Variants in LRMDA observed in about 807,000 individuals in gnomAD.
LRMDA encodes leucine-rich melanocyte differentiation-associated protein.
A neutral mutation model predicts 29.8 loss-of-function variants in LRMDA; 18 were observed. The ratio of observed to expected loss-of-function variants is 0.60; its 90% CI spans 0.42 to 0.90. LRMDA has a LOEUF of 0.90. Among genes scored for constraint, LRMDA ranks in the 40% least tolerant of loss-of-function variants. LRMDA has a pLI of 0.00. For synonymous variants in LRMDA, 125 were observed against 109.4 expected (o/e 1.14, Z -0.89); for missense variants, 273 against 273.9 (o/e 1.00, Z 0.02).
chr10:76,436,794 G>T (rs1842249362), intron 6 of LRMDA, among the ~76,000 whole-genome samples: 1 of 152,164 alleles, frequency 6.6e-6, no homozygotes, highest in South Asian at 2.1e-4. Context: ...CCTTCTATAG[G>T]TCAGAGCAGG....
chr10:76,163,263 C>T (rs945376291), intron 5 of LRMDA, among the ~76,000 whole-genome samples: 5 of 152,256 alleles, frequency 3.3e-5, no homozygotes, highest in Middle Eastern at 3.4e-3. Flanking sequence ...GATAAATGAC[C>T]TGTTTCCTTT....
intron 5 of LRMDA, among the ~76,000 whole-genome samples, chr10:76,308,727 T>TGAG (rs1840591822): frequency 6.6e-6 from 1 of 152,080 alleles, no homozygotes; most frequent in African/African-American, 2.4e-5. Context: ...TCAAAACCTC[T>TGAG]CCCCATAGTT....
intron 2 of LRMDA, among the ~76,000 whole-genome samples, chr10:75,984,379 G>A (rs567201604): frequency 6.6e-6 from 1 of 152,322 alleles, no homozygotes; most frequent in East Asian, 1.9e-4. Flanking sequence ...TGAGTGGGAA[G>A]GAACAGTCAA....
At chr10:75,668,887 G>C (rs954196146) in intron 2 of LRMDA, among the ~76,000 whole-genome samples, 3 of 152,162 alleles carry the variant, frequency 2.0e-5, no homozygotes, top group African/African-American at 7.2e-5. Context: ...TATCTACTGT[G>C]TGCTGGACAC....
At chr10:75,755,423 G>C (rs960209045) in intron 2 of LRMDA, among the ~76,000 whole-genome samples, 1 of 152,188 alleles carries the variant, frequency 6.6e-6, no homozygotes, top group Non-Finnish European at 1.5e-5. Flanking sequence ...GTTGGGGTTG[G>C]GGGCAAGTTT....
chr10:76,027,040 A>G (rs1848074240), intron 2 of LRMDA, among the ~76,000 whole-genome samples: 1 of 152,208 alleles, frequency 6.6e-6, no homozygotes, highest in Admixed American at 6.5e-5. Context: ...CTGTAGGCTG[A>G]GGACTTTGAA....
intron 6 of LRMDA, among the ~76,000 whole-genome samples, chr10:76,457,056 A>G (rs4745816): frequency 0.4 from 61,253 of 151,902 alleles, 13,171 homozygotes; most frequent in Middle Eastern, 0.56. Flanking sequence ...TCAGAGTCAC[A>G]TTTCATTGTC....
At chr10:76,272,697 C>T (rs866650243) in intron 5 of LRMDA, among the ~76,000 whole-genome samples, 1 of 152,058 alleles carries the variant, frequency 6.6e-6, no homozygotes, top group African/African-American at 2.4e-5. Context: ...TATAAAGATA[C>T]TACCTGAGTC....
intron 2 of LRMDA, among the ~76,000 whole-genome samples, chr10:75,803,508 T>A (rs945080313): frequency 2.0e-5 from 3 of 152,182 alleles, no homozygotes; most frequent in African/African-American, 7.2e-5. Flanking sequence ...ACCGCCTGCA[T>A]GTACATTCTG....
chr10:76,214,470 G>A (rs913084339), intron 5 of LRMDA, among the ~76,000 whole-genome samples: 4 of 149,260 alleles, frequency 2.7e-5, no homozygotes, highest in Admixed American at 6.7e-5. Flanking sequence ...TCAGCCTCCC[G>A]AGTAGCTGGG....
At chr10:75,764,025 G>A (rs1188320354) in intron 2 of LRMDA, among the ~76,000 whole-genome samples, 2 of 152,068 alleles carry the variant, frequency 1.3e-5, no homozygotes, top group African/African-American at 4.8e-5. Flanking sequence ...GAGACTTCAG[G>A]AACTGCTTGC....
intron 5 of LRMDA, among the ~76,000 whole-genome samples, chr10:76,304,860 G>A (rs978053428): frequency 3.9e-4 from 59 of 152,250 alleles, no homozygotes; most frequent in African/African-American, 1.4e-3. Flanking sequence ...GTGCCCTGCG[G>A]GAGCAGGAGA....
At chr10:76,020,968 A>G (rs1378583119) in intron 2 of LRMDA, among the ~76,000 whole-genome samples, 1 of 152,204 alleles carries the variant, frequency 6.6e-6, no homozygotes, top group East Asian at 1.9e-4. Flanking sequence ...GCCTTCAGAT[A>G]AATTTCTGGC....
At chr10:76,167,740 C>CT (rs1277624201) in intron 5 of LRMDA, among the ~76,000 whole-genome samples, 1 of 152,060 alleles carries the variant, frequency 6.6e-6, no homozygotes, top group Non-Finnish European at 1.5e-5. Flanking sequence ...TATTTGGGCT[C>CT]TTTTTTGGTT....
chr10:75,596,959 T>C (rs372400830), intron 2 of LRMDA, among the ~76,000 whole-genome samples: 7 of 151,632 alleles, frequency 4.6e-5, no homozygotes, highest in East Asian at 1.9e-4. Flanking sequence ...TTCTTTCTTT[T>C]TTTTTTTTTT....
At chr10:76,507,812 T>C (rs1012832243) in intron 6 of LRMDA, among the ~76,000 whole-genome samples, 4 of 152,080 alleles carry the variant, frequency 2.6e-5, no homozygotes, top group Non-Finnish European at 5.9e-5. Flanking sequence ...TATAAATGCC[T>C]GGGTTTATTT....
chr10:76,464,522 TTAAC>T (rs754399929), intron 6 of LRMDA, among the ~76,000 whole-genome samples: 4 of 152,190 alleles, frequency 2.6e-5, no homozygotes, highest in Admixed American at 6.5e-5. Flanking sequence ...ACTGGACAAT[TTAAC>T]TAAGAACAAT....
At chr10:76,064,565 C>G (rs549905843) in intron 5 of LRMDA, among the ~76,000 whole-genome samples, 7 of 152,116 alleles carry the variant, frequency 4.6e-5, no homozygotes, top group Non-Finnish European at 1.0e-4. Flanking sequence ...GTTTTTTATG[C>G]CTAGTGTAGC....
At chr10:76,109,686 T>A (rs1564655091) in intron 5 of LRMDA, among the ~76,000 whole-genome samples, 2 of 152,232 alleles carry the variant, frequency 1.3e-5, no homozygotes, top group Admixed American at 1.3e-4. Context: ...AGCGCAGAAT[T>A]TGGCTCCACT....
Sources: gnomAD v4.1 joint callset for allele counts (sites outside exome capture counted in the v4.1 genomes callset) on GRCh38, gnomAD v4.1.1 for gene constraint, MANE v1.5 for transcripts, NCBI Gene and HGNC (gene_info 2026-07-23, HGNC 2026-07-21) for gene names.